Variants in LRMDA observed in about 807,000 individuals in gnomAD.
LRMDA encodes leucine-rich melanocyte differentiation-associated protein.
LRMDA carries 18 observed loss-of-function variants against 29.8 expected under a neutral mutation model. The ratio of observed to expected loss-of-function variants is 0.60; its 90% confidence interval spans 0.42 to 0.90. LRMDA has a LOEUF of 0.90. Among genes scored for constraint, LRMDA ranks in the 40% least tolerant of loss-of-function variants. The pLI is 0.00. For missense variants in LRMDA, 273 were observed against 273.9 expected (o/e 1.00, Z 0.02); for synonymous variants, 125 against 109.4 (o/e 1.14, Z -0.89).
chr10:75,526,699 T>A (rs1002188298), intron 2 of LRMDA, among the ~76,000 whole-genome samples: 5 of 151,498 alleles, frequency 3.3e-5, no homozygotes, highest in Admixed American at 6.6e-5. Flanking sequence ...TAAAAAAAAA[T>A]TTAAAAATTA....
chr10:76,398,928 G>A (rs1030796545), intron 6 of LRMDA, among the ~76,000 whole-genome samples: 1 of 152,138 alleles, frequency 6.6e-6, no homozygotes, highest in Non-Finnish European at 1.5e-5. Flanking sequence ...ACCTCTGATA[G>A]CTTTGGGAAA....
At chr10:75,483,239 AC>A (rs1361507682) in intron 2 of LRMDA, among the ~76,000 whole-genome samples, 3 of 151,982 alleles carry the variant, frequency 2.0e-5, no homozygotes, top group Non-Finnish European at 4.4e-5. Flanking sequence ...GAGCCACCAC[AC>A]CCCACCCATC....
chr10:76,459,769 T>G (rs1370404215), intron 6 of LRMDA, among the ~76,000 whole-genome samples: 1 of 152,158 alleles, frequency 6.6e-6, no homozygotes, highest in Non-Finnish European at 1.5e-5. Context: ...TGGGCTTTTG[T>G]TTTTTTAATT....
chr10:76,527,765 C>T (rs543089941), intron 6 of LRMDA, among the ~76,000 whole-genome samples: 1 of 152,094 alleles, frequency 6.6e-6, no homozygotes, highest in African/African-American at 2.4e-5. Flanking sequence ...CTCTAAAACT[C>T]CATGGGATAT....
At chr10:75,889,271 A>C (rs1845443221) in intron 2 of LRMDA, among the ~76,000 whole-genome samples, 2 of 152,238 alleles carry the variant, frequency 1.3e-5, no homozygotes, top group Admixed American at 6.5e-5. Flanking sequence ...AGTGAGCCAG[A>C]TTTTCAGGTT....
intron 2 of LRMDA, among the ~76,000 whole-genome samples, chr10:76,014,355 C>T (rs968503358): frequency 1.3e-5 from 2 of 151,732 alleles, no homozygotes; most frequent in African/African-American, 4.8e-5. Flanking sequence ...AGCAGTAACC[C>T]ACCTCATACT....
chr10:75,891,428 C>G (rs1199010144), intron 2 of LRMDA, among the ~76,000 whole-genome samples: 2 of 152,116 alleles, frequency 1.3e-5, no homozygotes, highest in African/African-American at 4.8e-5. Flanking sequence ...AGCAGAGGAG[C>G]CATCTTGATG....
At chr10:75,884,622 T>A (rs1364749463) in intron 2 of LRMDA, among the ~76,000 whole-genome samples, 2 of 152,344 alleles carry the variant, frequency 1.3e-5, no homozygotes, top group East Asian at 3.9e-4. Flanking sequence ...TAGAGTCTTC[T>A]GGATTTCCTT....
intron 2 of LRMDA, among the ~76,000 whole-genome samples, chr10:75,667,499 T>C (rs1446691019): frequency 6.6e-6 from 1 of 152,192 alleles, no homozygotes. Context: ...AGGGTTTTGC[T>C]ATGTTGCCCA....
intron 5 of LRMDA, among the ~76,000 whole-genome samples, chr10:76,157,541 G>C (rs528991545): frequency 1.3e-5 from 2 of 152,074 alleles, no homozygotes; most frequent in South Asian, 4.2e-4. Flanking sequence ...TTGAGCCCAG[G>C]AGTTCAAGGC....
intron 5 of LRMDA, among the ~76,000 whole-genome samples, chr10:76,217,446 A>G (rs1034880354): frequency 1.4e-4 from 22 of 152,132 alleles, no homozygotes; most frequent in Non-Finnish European, 2.8e-4. Context: ...TTTGGTGACA[A>G]TAGAACCTGG....
At position 76,362,756 on chromosome 10, in the gene LRMDA, T is replaced by TG. The variant is rs201377887; in HGVS notation, c.601+38276dup. 7.7e-3 allele frequency among the ~76,000 whole-genome samples: 1,166 copies of TG among 152,104 alleles called. 35 individuals are homozygous for TG. In the South Asian group the frequency reaches 0.094, roughly 12 times the overall value. On this transcript the variant is annotated intron_variant, in intron 6 of 6. Transcript: ENST00000611255. Reference sequence around the variant, plus strand: ...TTGTCTTTGATTTCTACCTAGAAAATGGGGGTAAGTTGGAAGACTTAGATG... The same window carrying TG: ...TTGTCTTTGATTTCTACCTAGAAAATGGGGGGTAAGTTGGAAGACTTAGATG...
chr10:76,215,125 G>C (rs1391861356), intron 5 of LRMDA, among the ~76,000 whole-genome samples: 1 of 152,208 alleles, frequency 6.6e-6, no homozygotes, highest in Non-Finnish European at 1.5e-5. Flanking sequence ...ATGGTTGGGG[G>C]ATGTCAGCAG....
At chr10:75,835,424 A>G (rs542277083) in intron 2 of LRMDA, among the ~76,000 whole-genome samples, 3 of 152,310 alleles carry the variant, frequency 2.0e-5, no homozygotes, top group Non-Finnish European at 4.4e-5. Flanking sequence ...ATCTAGGGTA[A>G]TCCTTTCATC....
chr10:76,116,134 G>A (rs751960361), intron 5 of LRMDA, among the ~76,000 whole-genome samples: 4 of 152,168 alleles, frequency 2.6e-5, no homozygotes, highest in African/African-American at 7.2e-5. Context: ...AAGCATGAGT[G>A]TTTGTGCAGG....
chr10:75,730,558 T>C (rs575437849), intron 2 of LRMDA, among the ~76,000 whole-genome samples: 32 of 152,350 alleles, frequency 2.1e-4, no homozygotes, highest in African/African-American at 7.5e-4. Flanking sequence ...GGATTGCATC[T>C]ATTGCTTTTC....
intron 2 of LRMDA, among the ~76,000 whole-genome samples, chr10:75,916,193 T>TGTGTGTGTAG: frequency 7.1e-6 from 1 of 140,154 alleles, no homozygotes; most frequent in South Asian, 2.3e-4. Flanking sequence ...TGTGTGTGTG[T>TGTGTGTGTAG]GTGGGTGGGT....
intron 6 of LRMDA, among the ~76,000 whole-genome samples, chr10:76,516,832 A>G (rs1276183069): frequency 1.3e-5 from 2 of 152,190 alleles, no homozygotes; most frequent in Non-Finnish European, 2.9e-5. Context: ...TAGCAGCATG[A>G]TTTATAATCC....
intron 5 of LRMDA, among the ~76,000 whole-genome samples, chr10:76,193,518 A>T (rs967901973): frequency 1.3e-5 from 2 of 152,160 alleles, no homozygotes; most frequent in Non-Finnish European, 2.9e-5. Context: ...CTTTTAGAAT[A>T]TTGAGTTTTG....
Sources: gnomAD v4.1 joint callset for allele counts (sites outside exome capture counted in the v4.1 genomes callset) on GRCh38, gnomAD v4.1.1 for gene constraint, MANE v1.5 for transcripts, NCBI Gene and HGNC (gene_info 2026-07-23, HGNC 2026-07-21) for gene names.